Variants in KIRREL3 observed in about 807,000 individuals in gnomAD.
KIRREL3 encodes kirre like nephrin family adhesion molecule 3.
KIRREL3 carries 36 observed loss-of-function variants against 89.7 expected under a neutral mutation model. The ratio of observed to expected loss-of-function variants is 0.40; its 90% CI spans 0.31 to 0.53. KIRREL3 has a LOEUF of 0.53. Among genes scored for constraint, KIRREL3 ranks in the 20% least tolerant of loss-of-function variants. The probability of loss-of-function intolerance (pLI) is 0.49; values close to 1 mark genes in which losing one functional copy is unlikely to be tolerated. For synonymous variants in KIRREL3, 445 were observed against 441.4 expected, an observed-to-expected ratio of 1.01 and a Z score of -0.10; for missense variants, 864 against 1,056.6, an observed-to-expected ratio of 0.82 and a Z score of 2.53.
chr11:126,670,934 T>C (rs1265332692), intron 1 of KIRREL3, among the ~76,000 whole-genome samples: 2 of 152,072 alleles, frequency 1.3e-5, no homozygotes, highest in Non-Finnish European at 2.9e-5. Flanking sequence ...TACTATAATA[T>C]AAAGCCACAG....
At position 126,914,691 on chromosome 11, in the gene KIRREL3, G is replaced by A. The variant is rs190624442; in HGVS notation, c.55+85764C>T. On this transcript the variant is annotated intron_variant, in intron 1 of 16. Coordinates refer to ENST00000525144, the MANE Select transcript of KIRREL3 (RefSeq NM_032531.4). Reference sequence around the variant, plus strand: ...TACGCCACTTTTTCTTCTGTCTGCCGGAGGCAAAGATGCTGAGACTTTCAC... The same window carrying A: ...TACGCCACTTTTTCTTCTGTCTGCCAGAGGCAAAGATGCTGAGACTTTCAC... Among the ~76,000 whole-genome samples, 28 of 152,316 alleles carry A rather than the reference G, an allele frequency of 1.8e-4. No individual in the cohort carries two copies. The East Asian group carries it at 4.6e-3, about 25-fold the overall frequency.
In KIRREL3 at chr11:126,473,362, A is replaced by G; in HGVS notation, c.538T>C (p.Ser180Pro). Residue 180 changes from serine (S) to proline (P), a missense_variant, in exon 5 of 17, where the codon TCC (serine) becomes CCC (proline). Ser to Pro is a moderately conservative substitution (Grantham distance 74, BLOSUM62 -1). Transcript: ENST00000525144. The stretch of plus-strand genomic sequence containing the variant: ...TCTCCCTTTCGCAACCAGATGATGG[A>G]GGCTGCAGGCTTGGCATTGTCTGCG... ...CHADNAKPAA[S>P]IIWLRKGEVI... 1 of 1,508,654 alleles carries G rather than the reference A, an allele frequency of 6.6e-7. No individual in the cohort carries two copies. Among genetic ancestry groups the G allele is most frequent in the African/African-American group, 1.5e-5 (1 of 64,842 alleles). 93.5% of individuals were successfully genotyped at this position (1,508,654 alleles called of 1,614,324 possible).
In KIRREL3 at chr11:126,991,704, G is replaced by A. The variant is rs1950039064; in HGVS notation, c.55+8751C>T. Among the ~76,000 whole-genome samples the A allele has an allele frequency of 6.6e-6, 1 of 152,164 alleles. No homozygotes were observed. The highest frequency in any genetic ancestry group is 2.4e-5 in the African/African-American group (1 of 41,426). ...CTCCTTGTTCGAAGGTCAGACCTGG[G>A]ATTCGGATGCATGATTTTCATAGGA... On this transcript the variant is annotated intron_variant, in intron 1 of 16. Coordinates refer to ENST00000525144, the MANE Select transcript of KIRREL3 (RefSeq NM_032531.4). This position sits in a 1 kb window ranked among gnomAD's most constrained non-coding sequence, Gnocchi z 5.8.
Position 126,778,014 on chromosome 11 carries a change from C to T in KIRREL3, c.56-215102G>A, listed in dbSNP as rs1365628327. On this transcript the variant is annotated intron_variant, in intron 1 of 16. Transcript: ENST00000525144. The surrounding 1 kb of genome is among the most constrained non-coding windows in gnomAD (Gnocchi z 4.5). ...GGACGGCTTCCCCCTACTCTCTTTTCCTGGTATATGAGAAATACATGCTCA... is the reference window on the plus strand; with the variant it reads ...GGACGGCTTCCCCCTACTCTCTTTTTCTGGTATATGAGAAATACATGCTCA... Among the ~76,000 whole-genome samples, 1 of 151,184 alleles carries T rather than the reference C, an allele frequency of 6.6e-6. No homozygotes were observed. Among genetic ancestry groups the T allele is most frequent in the African/African-American group, 2.4e-5 (1 of 41,062 alleles).
At chr11:126,961,805 A>C (rs1949095762) in intron 1 of KIRREL3, among the ~76,000 whole-genome samples, 1 of 152,244 alleles carries the variant, frequency 6.6e-6, no homozygotes. Context: ...TCAAAGTTTC[A>C]AAGGACAGGC....
In KIRREL3 at chr11:126,784,692, T is replaced by C. The variant is rs150960828; in HGVS notation, c.55+215763A>G. Among the ~76,000 whole-genome samples, 115 of 152,158 alleles carry C rather than the reference T, an allele frequency of 7.6e-4. 1 individual carries two copies. The East Asian group carries it at 0.019, about 25-fold the overall frequency. On this transcript the variant is annotated intron_variant, in intron 1 of 16. Transcript: ENST00000525144. The stretch of plus-strand genomic sequence containing the variant: ...CTGACTTGGTTAGAGGCTAGTAGCC[T>C]GGGTGTCAGTCTCCGCTTATGTCCT...
chr11:126,468,109 C>A (rs1428637708), intron 5 of KIRREL3, among the ~76,000 whole-genome samples: 2 of 152,228 alleles, frequency 1.3e-5, no homozygotes, highest in African/African-American at 2.4e-5. Flanking sequence ...TCCTGCCTGG[C>A]AGGAAGCTGC....
rs934785818 is a variant in KIRREL3 at position 126,686,220 on chromosome 11, G to A, written c.56-123308C>T. On this transcript the variant is annotated intron_variant, in intron 1 of 16. Transcript: ENST00000525144. The surrounding 1 kb of genome is among the most constrained non-coding windows in gnomAD (Gnocchi z 4.7). ...CACCTGCAGGGGCTTTCTCACGTGTGGCGCGGGTGTGGAGGCAGGTCTCCA... is the reference window on the plus strand; with the variant it reads ...CACCTGCAGGGGCTTTCTCACGTGTAGCGCGGGTGTGGAGGCAGGTCTCCA... Among the ~76,000 whole-genome samples, 13 of 152,208 alleles carry A rather than the reference G, an allele frequency of 8.5e-5. No homozygotes were observed. Among genetic ancestry groups the A allele is most frequent in the African/African-American group, 3.1e-4 (13 of 41,438 alleles).
rs2134300515 is a variant in KIRREL3 at position 126,771,742 on chromosome 11, A to T, written c.56-208830T>A. 6.6e-6 allele frequency among the ~76,000 whole-genome samples: 1 copy of T among 152,372 alleles called. No individual in the cohort carries two copies. The highest frequency in any genetic ancestry group is 2.1e-4 in the South Asian group (1 of 4,826). On this transcript the variant is annotated intron_variant, in intron 1 of 16. Transcript: ENST00000525144. The surrounding 1 kb of genome is among the most constrained non-coding windows in gnomAD (Gnocchi z 4.4). ...GAAGTGACCAATACAAGATTATCTA[A>T]TGATCAACCAACATCTTTATTAAAA...
Position 126,489,109 on chromosome 11 carries a change from G to A in KIRREL3, c.434-15643C>T, listed in dbSNP as rs144842696. 4.5e-3 allele frequency among the ~76,000 whole-genome samples: 679 copies of A among 152,276 alleles called. 4 individuals are homozygous for A. Among genetic ancestry groups the A allele is most frequent in the African/African-American group, 0.016 (649 of 41,558 alleles). On this transcript the variant is annotated intron_variant, in intron 4 of 16. Coordinates refer to ENST00000525144, the MANE Select transcript of KIRREL3 (RefSeq NM_032531.4). The surrounding 1 kb of genome is among the most constrained non-coding windows in gnomAD (Gnocchi z 5.5). ...AGCGCAGCAGTCAGTCTCATCCTGG[G>A]GTGCATCCCAGGGCTCAGCCTGGGA...
chr11:126,755,362 C>A lies in KIRREL3; in HGVS notation c.56-192450G>T, dbSNP rs926581608. ...CATGAAGTCCTGAAGTGCAGGTAAT[C>A]GTGTTTAAAAAGATAGGGAACATGA... On this transcript the variant is annotated intron_variant, in intron 1 of 16. Coordinates refer to ENST00000525144, the MANE Select transcript of KIRREL3 (RefSeq NM_032531.4). The surrounding 1 kb of genome is among the most constrained non-coding windows in gnomAD (Gnocchi z 4.3). Among the ~76,000 whole-genome samples, 1 of 151,968 alleles carries A rather than the reference C, an allele frequency of 6.6e-6. No individual in the cohort carries two copies.
chr11:126,481,029 T>C (rs929694466), intron 4 of KIRREL3, among the ~76,000 whole-genome samples: 2 of 152,186 alleles, frequency 1.3e-5, no homozygotes, highest in South Asian at 2.1e-4. Flanking sequence ...GAAATTCGTA[T>C]TGAGCACCTA....
chr11:126,823,639 A>G (rs548375952), intron 1 of KIRREL3, among the ~76,000 whole-genome samples: 1 of 152,256 alleles, frequency 6.6e-6, no homozygotes, highest in African/African-American at 2.4e-5. Flanking sequence ...CCAGGCTGGG[A>G]CCTTGGATAA....
chr11:126,427,049 C>T lies in KIRREL3; in HGVS notation c.1807-1325G>A, dbSNP rs1024235143. Among the ~76,000 whole-genome samples the T allele has an allele frequency of 6.6e-6, 1 of 152,152 alleles. No homozygotes were observed. Among genetic ancestry groups the T allele is most frequent in the Non-Finnish European group, 1.5e-5 (1 of 68,030 alleles). ...CTGCTCCCACCTGACACTGAGCTGC[C>T]CCCACTCTTGCCTGTGGATTTGGAC... is the stretch of plus-strand genomic sequence containing the variant. On this transcript the variant is annotated intron_variant, in intron 15 of 16. Coordinates refer to ENST00000525144, the MANE Select transcript of KIRREL3 (RefSeq NM_032531.4). This position sits in a 1 kb window ranked among gnomAD's most constrained non-coding sequence, Gnocchi z 5.3.
In KIRREL3 at chr11:126,611,448, A is replaced by G. The variant is rs1943124536; in HGVS notation, c.56-48536T>C. ...CTTGCCGTCCTTGGTATGCACACACATGCATGGAAGCTATATTCCTCCTTC... is the reference window on the plus strand; with the variant it reads ...CTTGCCGTCCTTGGTATGCACACACGTGCATGGAAGCTATATTCCTCCTTC... On this transcript the variant is annotated intron_variant, in intron 1 of 16. Coordinates refer to ENST00000525144, the MANE Select transcript of KIRREL3 (RefSeq NM_032531.4). The surrounding 1 kb of genome is among the most constrained non-coding windows in gnomAD (Gnocchi z 4.7). 6.6e-6 allele frequency among the ~76,000 whole-genome samples: 1 copy of G among 152,146 alleles called. No homozygotes were observed. The highest frequency in any genetic ancestry group is 1.5e-5 in the Non-Finnish European group (1 of 68,036).
intron 1 of KIRREL3, among the ~76,000 whole-genome samples, chr11:126,680,226 A>T (rs2135095817): frequency 6.6e-6 from 1 of 152,326 alleles, no homozygotes; most frequent in East Asian, 1.9e-4. Context: ...TGAGGGCAAC[A>T]GAAAAAACAA....
intron 1 of KIRREL3, among the ~76,000 whole-genome samples, chr11:126,865,186 C>T (rs562011797): frequency 8.7e-4 from 133 of 152,236 alleles, no homozygotes; most frequent in Non-Finnish European, 1.5e-3. Context: ...CATTTACCAT[C>T]TGTAGCTAAA....
intron 1 of KIRREL3, among the ~76,000 whole-genome samples, chr11:126,644,964 C>G (rs1400227453): frequency 6.6e-6 from 1 of 152,114 alleles, no homozygotes; most frequent in Non-Finnish European, 1.5e-5. Context: ...CCGTTGCAGC[C>G]CAGGAGAGCT....
rs771723369 is a variant in KIRREL3, at chr11:126,612,106, C to T, written c.56-49194G>A. On this transcript the variant is annotated intron_variant, in intron 1 of 16. Transcript: ENST00000525144. This position sits in a 1 kb window ranked among gnomAD's most constrained non-coding sequence, Gnocchi z 4.5. ...TGTGTATTTGGTAACCTGTCTTCCT[C>T]CTGCTGAAATATCAACTCCAAGAGG... 6.6e-6 allele frequency among the ~76,000 whole-genome samples: 1 copy of T among 152,162 alleles called. No individual in the cohort carries two copies. Among genetic ancestry groups the T allele is most frequent in the Non-Finnish European group, 1.5e-5 (1 of 68,038 alleles).
Sources: allele counts gnomAD v4.1 joint callset (sites outside exome capture counted in the v4.1 genomes callset), GRCh38; gene constraint gnomAD v4.1.1; non-coding constraint Gnocchi (gnomAD v3.1); transcripts MANE v1.5; gene names NCBI Gene and HGNC (gene_info 2026-07-23, HGNC 2026-07-21).